The following PRKCE variants were observed in gnomAD, a reference collection of about 807,000 sequenced individuals.
The protein encoded by PRKCE is protein kinase C epsilon.
In PRKCE, 16 loss-of-function variants were observed where a neutral mutation model predicts 85.4. The observed-to-expected ratio is 0.19, with a 90% confidence interval of 0.13 to 0.28. The LOEUF (loss-of-function observed/expected upper bound fraction) is 0.28, where lower values mean the gene tolerates loss of function less well. PRKCE is among the 10% of genes least tolerant of loss of function. PRKCE has a pLI of 1.00. For missense variants in PRKCE, 573 were observed against 975.2 expected, an observed-to-expected ratio of 0.59 and a Z score of 5.49; for synonymous variants, 388 against 371.5, an observed-to-expected ratio of 1.04 and a Z score of -0.51.
intron 6 of PRKCE, among the ~76,000 whole-genome samples, chr2:45,999,917 G>T (rs1704530077): frequency 6.6e-6 from 1 of 152,088 alleles, no homozygotes; most frequent in Non-Finnish European, 1.5e-5. Context: ...CTTCATTTCT[G>T]TTAGTGTTTT....
intron 2 of PRKCE, among the ~76,000 whole-genome samples, chr2:45,903,491 G>A (rs1342360327): frequency 6.6e-6 from 1 of 152,170 alleles, no homozygotes. Context: ...CAAGATTAGG[G>A]TTGCAGGTAA....
chr2:46,096,209 A>C (rs1333899888), intron 11 of PRKCE, among the ~76,000 whole-genome samples: 2 of 152,234 alleles, frequency 1.3e-5, no homozygotes, highest in African/African-American at 4.8e-5. Flanking sequence ...TTTGAAATGC[A>C]GTTTTCTCAG....
At chr2:45,853,149 A>G (rs942655024) in intron 2 of PRKCE, among the ~76,000 whole-genome samples, 4 of 152,112 alleles carry the variant, frequency 2.6e-5, no homozygotes, top group Non-Finnish European at 5.9e-5. Context: ...TCTGTTTGGA[A>G]TCTTCTCCCT....
At chr2:45,865,968 C>A (rs1216941762) in intron 2 of PRKCE, among the ~76,000 whole-genome samples, 1 of 152,012 alleles carries the variant, frequency 6.6e-6, no homozygotes, top group Non-Finnish European at 1.5e-5. Flanking sequence ...CAGGTGCATG[C>A]CACCACACCC....
rs571758637 is a variant in PRKCE at position 45,669,933 on chromosome 2, C to A, written c.348+17485C>A. Among the ~76,000 whole-genome samples the A allele has an allele frequency of 9.2e-5, 14 of 152,250 alleles. No homozygotes were observed. In the East Asian group the frequency reaches 2.5e-3, roughly 27 times the overall value. On this transcript the variant is annotated intron_variant, in intron 1 of 14. Coordinates refer to ENST00000306156, the MANE Select transcript of PRKCE (RefSeq NM_005400.3). ...GGCTGAGGCACGAGAATCACTTGAA[C>A]CCAGGAGGCAGAGGTTGCAGTGAGC...
intron 1 of PRKCE, among the ~76,000 whole-genome samples, chr2:45,825,290 G>A (rs1376484793): frequency 6.6e-6 from 1 of 152,196 alleles, no homozygotes; most frequent in African/African-American, 2.4e-5. Flanking sequence ...CACTAGCCAC[G>A]GTTTTCCTGC....
At chr2:45,918,029 C>T (rs1376986784) in intron 2 of PRKCE, among the ~76,000 whole-genome samples, 1 of 152,256 alleles carries the variant, frequency 6.6e-6, no homozygotes, top group Non-Finnish European at 1.5e-5. Flanking sequence ...GCGCCGCGCG[C>T]AGCCCCGGTT....
chr2:45,809,497 G>T (rs1196258758), intron 1 of PRKCE, among the ~76,000 whole-genome samples: 2 of 152,270 alleles, frequency 1.3e-5, no homozygotes, highest in East Asian at 3.9e-4. Flanking sequence ...AATTTCTCTT[G>T]AAGTCGTTTC....
At chr2:45,888,159 T>C (rs946590212) in intron 2 of PRKCE, among the ~76,000 whole-genome samples, 1 of 152,216 alleles carries the variant, frequency 6.6e-6, no homozygotes, top group Non-Finnish European at 1.5e-5. Context: ...ATATAACAGA[T>C]GGCAAAGAAT....
intron 11 of PRKCE, among the ~76,000 whole-genome samples, chr2:46,137,363 A>T (rs1318425435): frequency 6.6e-6 from 1 of 152,196 alleles, no homozygotes; most frequent in East Asian, 1.9e-4. Flanking sequence ...TATACACAGA[A>T]TTAGATACAT....
At chr2:45,911,290 C>A (rs985649543) in intron 2 of PRKCE, among the ~76,000 whole-genome samples, 1 of 152,236 alleles carries the variant, frequency 6.6e-6, no homozygotes, top group African/African-American at 2.4e-5. Flanking sequence ...ACAACCTTCC[C>A]TACCTTTCTT....
intron 11 of PRKCE, among the ~76,000 whole-genome samples, chr2:46,094,575 G>A (rs1244142965): frequency 7.7e-5 from 11 of 143,652 alleles, no homozygotes; most frequent in Admixed American, 4.2e-4. Context: ...GGAGCTGAAC[G>A]ATGAGAACAC....
intron 11 of PRKCE, among the ~76,000 whole-genome samples, chr2:46,118,109 G>A (rs940460599): frequency 3.9e-5 from 6 of 152,200 alleles, no homozygotes; most frequent in African/African-American, 1.2e-4. Context: ...ATGGATAATT[G>A]AAGAATAAAT....
Position 46,145,251 on chromosome 2 carries a change from G to A in PRKCE, c.1731+20G>A. 1 of 1,599,282 alleles carries A rather than the reference G, an allele frequency of 6.3e-7. No homozygotes were observed. The highest frequency in any genetic ancestry group is 8.5e-7 in the Non-Finnish European group (1 of 1,179,690). On this transcript the variant is annotated intron_variant, in intron 12 of 14. Transcript: ENST00000306156. The surrounding 1 kb of genome is among the most constrained non-coding windows in gnomAD (Gnocchi z 4.6). ...CCTGAGGTAAGACCTGTGTGCAAAG[G>A]TTCACCTCCTCCTGGTGCCAGGACC...
intron 2 of PRKCE, among the ~76,000 whole-genome samples, chr2:45,919,462 C>A (rs62128984): frequency 0.27 from 40,931 of 152,274 alleles, 6,061 homozygotes; most frequent in South Asian, 0.35. Context: ...TGCCTTTCCA[C>A]TGAAGTGTGT....
chr2:46,168,169 G>A (rs1293896187), intron 14 of PRKCE, among the ~76,000 whole-genome samples: 1 of 152,166 alleles, frequency 6.6e-6, no homozygotes, highest in East Asian at 1.9e-4. Context: ...GCTGGCCTGG[G>A]CTTTGCTGGG....
At chr2:45,875,869 G>A (rs891049258) in intron 2 of PRKCE, among the ~76,000 whole-genome samples, 2 of 152,188 alleles carry the variant, frequency 1.3e-5, no homozygotes, top group South Asian at 2.1e-4. Flanking sequence ...AAGGTTCTGA[G>A]CACTTTTCCT....
At chr2:46,059,761 C>A (rs892053226) in intron 10 of PRKCE, among the ~76,000 whole-genome samples, 1 of 152,120 alleles carries the variant, frequency 6.6e-6, no homozygotes, top group Non-Finnish European at 1.5e-5. Flanking sequence ...TATGAGTGAA[C>A]CTGTGAATAG....
chr2:46,168,378 C>T (rs920971346), intron 14 of PRKCE, among the ~76,000 whole-genome samples: 1 of 152,114 alleles, frequency 6.6e-6, no homozygotes, highest in Admixed American at 6.5e-5. Context: ...CAGAGGACAG[C>T]AGGAGGAATC....
Sources: allele counts gnomAD v4.1 joint callset (sites outside exome capture counted in the v4.1 genomes callset), GRCh38; gene constraint gnomAD v4.1.1; non-coding constraint Gnocchi (gnomAD v3.1); transcripts MANE v1.5; gene names NCBI Gene and HGNC (gene_info 2026-07-23, HGNC 2026-07-21).